Variants in MS4A4A observed in about 807,000 individuals in gnomAD.
The protein encoded by MS4A4A is membrane-spanning 4-domains subfamily A member 4A.
A neutral mutation model predicts 28.0 loss-of-function variants in MS4A4A; 26 were observed. The ratio of observed to expected loss-of-function variants is 0.93; its 90% CI spans 0.68 to 1.29. The LOEUF (loss-of-function observed/expected upper bound fraction) is 1.29, where lower values mean the gene tolerates loss of function less well. Among genes scored for constraint, MS4A4A ranks in the 50% most tolerant of loss-of-function variants. The probability of loss-of-function intolerance (pLI) is 0.00; values close to 1 mark genes in which losing one functional copy is unlikely to be tolerated. For synonymous variants in MS4A4A, 86 were observed against 100.8 expected, an observed-to-expected ratio of 0.85 and a Z score of 0.88; for missense variants, 290 against 293.1, an observed-to-expected ratio of 0.99 and a Z score of 0.08.
intron 5 of MS4A4A, among the ~76,000 whole-genome samples, chr11:60,304,252 C>A (rs1353527362): frequency 6.6e-6 from 1 of 152,186 alleles, no homozygotes; most frequent in East Asian, 1.9e-4. Context: ...GAGACAAAAT[C>A]TGGAATTGGC....
chr11:60,299,979 G>A (rs892252193), intron 3 of MS4A4A, among the ~76,000 whole-genome samples: 43 of 152,174 alleles, frequency 2.8e-4, no homozygotes, highest in African/African-American at 8.4e-4. Flanking sequence ...TATATCATAT[G>A]ATGGGTGATT....
At chr11:60,294,513 T>C (rs1317268355) in intron 2 of MS4A4A, among the ~76,000 whole-genome samples, 2 of 152,140 alleles carry the variant, frequency 1.3e-5, no homozygotes, top group African/African-American at 2.4e-5. Context: ...TGGTATCGTA[T>C]TGACAAATTC....
chr11:60,290,219 A>G (rs2084842669), intron 1 of MS4A4A: 1 of 302,904 alleles, frequency 3.3e-6, no homozygotes, highest in East Asian at 8.5e-5. Flanking sequence ...CAACTGATGT[A>G]TTTAATTCCC....
chr11:60,286,306 AC>A (rs1272158463), intron 1 of MS4A4A, among the ~76,000 whole-genome samples: 2 of 152,208 alleles, frequency 1.3e-5, no homozygotes, highest in Admixed American at 6.5e-5. Flanking sequence ...GAGGCAACGT[AC>A]ATCTTCAGCT....
At chr11:60,294,091 C>T (rs2084881154) in intron 2 of MS4A4A, among the ~76,000 whole-genome samples, 1 of 152,210 alleles carries the variant, frequency 6.6e-6, no homozygotes, top group African/African-American at 2.4e-5. Context: ...TCAATGAGTT[C>T]CTGCTGTTCT....
chr11:60,307,906 A>G (rs1250836109), intron 6 of MS4A4A, among the ~76,000 whole-genome samples: 2 of 152,188 alleles, frequency 1.3e-5, no homozygotes, highest in Non-Finnish European at 2.9e-5. Flanking sequence ...TCAGCAGCTC[A>G]GGTCAAGAGC....
At position 60,292,359 on chromosome 11, in the gene MS4A4A, T is replaced by C; in HGVS notation, c.176T>C (p.Leu59Ser). 6.2e-7 allele frequency: 1 copy of C among 1,602,792 alleles called. No homozygotes were observed. The highest frequency in any genetic ancestry group is 8.5e-7 in the Non-Finnish European group (1 of 1,175,698). Residue 59 changes from leucine (L) to serine (S), a missense_variant, in exon 2 of 7, where the codon TTG becomes TCG. Leu to Ser is a moderately radical substitution (Grantham distance 145). Coordinates refer to ENST00000337908, the MANE Select transcript of MS4A4A (RefSeq NM_148975.3). The part of the protein sequence containing the change: ...HLWKGLQEKF[L>S]KGEPKVLGVV... ...TGGAAAGGATTGCAAGAGAAGTTCT[T>C]GAAGGGAGAACCCAAAGTCCTTGGG...
chr11:60,280,749 G>A (rs780989124), intron 1 of MS4A4A, 33 bp downstream of exon 1: 25 of 1,612,214 alleles, frequency 1.6e-5, no homozygotes, highest in South Asian at 2.2e-5. Context: ...CTAGGCTTTC[G>A]GGCTGATGGC....
At position 60,292,357 on chromosome 11, in the gene MS4A4A, C is replaced by T. The variant is rs1477195170; in HGVS notation, c.174C>T (p.Phe58=). ...SHLWKGLQEK[F]LKGEPKVLGV... is the part of the protein sequence containing the mutation. ...TGTGGAAAGGATTGCAAGAGAAGTT[C>T]TTGAAGGGAGAACCCAAAGTCCTTG... Residue 58 remains phenylalanine (F), a synonymous_variant, in exon 2 of 7, where the codon TTC becomes TTT. Coordinates refer to ENST00000337908, the MANE Select transcript of MS4A4A (RefSeq NM_148975.3). 1.9e-6 allele frequency: 3 copies of T among 1,602,544 alleles called. No individual in the cohort carries two copies. Among genetic ancestry groups the T allele is most frequent in the Non-Finnish European group, 1.7e-6 (2 of 1,175,754 alleles).
chr11:60,306,314 A>C, intron 6 of MS4A4A, 113 bp downstream of exon 6: 1 of 897,966 alleles, frequency 1.1e-6, no homozygotes, highest in Admixed American at 2.2e-5. Context: ...CTCAGTTTCC[A>C]TGGTTCAAGA....
At position 60,297,213 on chromosome 11, in the gene MS4A4A, C is replaced by T. The variant is rs142259414; in HGVS notation, c.218C>T (p.Thr73Ile). ...CATTTTTAGGTTGTGCAGATTCTGACTGCCCTGATGAGCCTTAGCATGGGA... is the reference window on the plus strand; with the variant it reads ...CATTTTTAGGTTGTGCAGATTCTGATTGCCCTGATGAGCCTTAGCATGGGA... ...PKVLGVVQIL[T>I]ALMSLSMGIT... The change falls in exon 3 of 7, where the codon ACT becomes ATT. Residue 73 changes from threonine to isoleucine, a missense_variant. Transcript: ENST00000337908. 8.2e-5 allele frequency: 133 copies of T among 1,613,360 alleles called. 1 individual carries two copies. In the African/African-American group the frequency reaches 1.5e-3, roughly 18 times the overall value.
Position 60,308,738 on chromosome 11 carries a change from C to T in MS4A4A, c.*560C>T, listed in dbSNP as rs6591563. On this transcript the variant is annotated 3_prime_UTR_variant, in exon 7 of 7. Coordinates refer to ENST00000337908, the MANE Select transcript of MS4A4A (RefSeq NM_148975.3). ...TAGAAAGTACCTTGAAGTAGCACAGCCCGTCCTTGCATGTGCACGAGCTAT... is the reference window on the plus strand; with the variant it reads ...TAGAAAGTACCTTGAAGTAGCACAGTCCGTCCTTGCATGTGCACGAGCTAT... The T allele has an allele frequency of 0.96, 146,005 of 152,402 alleles. 70,176 individuals carry two copies. The highest frequency in any genetic ancestry group is 1 in the Non-Finnish European group (68,121 of 68,188). The allele number at this position is 152,402 out of a possible 1,614,324, so 9.4% of individuals were successfully genotyped here.
At chr11:60,298,289 A>G (rs1173401722) in intron 3 of MS4A4A, among the ~76,000 whole-genome samples, 1 of 152,172 alleles carries the variant, frequency 6.6e-6, no homozygotes, top group East Asian at 1.9e-4. Context: ...AAAACTGAGA[A>G]TGAGGTAGTG....
At chr11:60,296,049 A>C (rs1434818174) in intron 2 of MS4A4A, among the ~76,000 whole-genome samples, 1 of 152,030 alleles carries the variant, frequency 6.6e-6, no homozygotes, top group Non-Finnish European at 1.5e-5. Context: ...TCTGTAAATA[A>C]TGGTATAATT....
rs1049418632 is a variant in MS4A4A, at chr11:60,308,324, T to C, written c.*146T>C. The C allele has an allele frequency of 8.5e-6, 6 of 704,460 alleles. No individual in the cohort carries two copies. Among genetic ancestry groups the C allele is most frequent in the African/African-American group, 1.8e-5 (1 of 55,348 alleles). The allele number at this position is 704,460 out of a possible 1,614,324, so 43.6% of individuals were successfully genotyped here. A position where few individuals can be genotyped will look rare whatever the true frequency, so the allele number is the denominator to read the frequency against. On this transcript the variant is annotated 3_prime_UTR_variant, in exon 7 of 7. Coordinates refer to ENST00000337908, the MANE Select transcript of MS4A4A (RefSeq NM_148975.3). The stretch of plus-strand genomic sequence containing the variant: ...TTATATGTAATCCAATTATGAACTG[T>C]GTGTGTATAGAGAGATAATAAATTC...
intron 1 of MS4A4A, chr11:60,282,596 G>C: frequency 7.8e-7 from 1 of 1,283,630 alleles, no homozygotes; most frequent in Middle Eastern, 2.1e-4. Context: ...CTTACAAGGT[G>C]GTCACAAGAG....
At chr11:60,304,122 T>A (rs1344609201) in intron 5 of MS4A4A, among the ~76,000 whole-genome samples, 3 of 152,234 alleles carry the variant, frequency 2.0e-5, no homozygotes, top group African/African-American at 7.2e-5. Context: ...AAAGGAAGAT[T>A]AGATTCTACA....
intron 4 of MS4A4A, among the ~76,000 whole-genome samples, chr11:60,302,259 C>T (rs1315284882): frequency 6.6e-6 from 1 of 152,188 alleles, no homozygotes; most frequent in Non-Finnish European, 1.5e-5. Flanking sequence ...CAGGGAAGGA[C>T]ACAGACAGGG....
At chr11:60,300,615 CA>C (rs760648433) in intron 3 of MS4A4A, among the ~76,000 whole-genome samples, 770 of 35,986 alleles carry the variant, frequency 0.021, 17 homozygotes, top group South Asian at 0.069. Flanking sequence ...GACTCCGTCT[CA>C]AAAAAAAAAA....
Sources: gnomAD v4.1 joint callset for allele counts (sites outside exome capture counted in the v4.1 genomes callset) on GRCh38, gnomAD v4.1.1 for gene constraint, MANE v1.5 for transcripts, NCBI Gene and HGNC (gene_info 2026-07-23, HGNC 2026-07-21) for gene names.